Variants in SOS2 observed in about 807,000 individuals in gnomAD.
The protein encoded by SOS2 is son of sevenless homolog 2.
Under a neutral mutation model 148.2 loss-of-function variants are expected in SOS2, and 65 were observed. That is an observed-to-expected ratio of 0.44 (90% confidence interval 0.36 to 0.54). The LOEUF is 0.54. Ranked by LOEUF, SOS2 falls within the 20% of genes least tolerant of loss-of-function variation. The pLI is 0.00. For synonymous variants in SOS2, 539 were observed against 537.1 expected, an observed-to-expected ratio of 1.00 and a Z score of -0.05; for missense variants, 1,341 against 1,590.2, an observed-to-expected ratio of 0.84 and a Z score of 2.67.
At chr14:50,129,426 C>T (rs1883794714) in intron 21 of SOS2, among the ~76,000 whole-genome samples, 1 of 152,096 alleles carries the variant, frequency 6.6e-6, no homozygotes, top group Non-Finnish European at 1.5e-5. Flanking sequence ...ACTCCGTTGC[C>T]CAGGCTGGAG....
chr14:50,188,587 T>C lies in SOS2; in HGVS notation c.624A>G (p.Ala208=). 1 of 1,608,216 alleles carries C rather than the reference T, an allele frequency of 6.2e-7. No homozygotes were observed. The highest frequency in any genetic ancestry group is 8.5e-7 in the Non-Finnish European group (1 of 1,177,852). The part of the protein sequence containing the change: ...NYYDLVRTEI[A]EERQYLRELN... ...ATTCCCGTAGATACTGTCTTTCTTC[T>C]GCGATTTCAGTTCTGACAAGATCAT... The change falls in exon 5 of 23, where the codon GCA becomes GCG. Residue 208 remains alanine (A), a synonymous_variant. Coordinates refer to ENST00000216373, the MANE Select transcript of SOS2 (RefSeq NM_006939.4).
chr14:50,140,467 T>C (rs1050980000), intron 16 of SOS2, among the ~76,000 whole-genome samples: 5 of 152,248 alleles, frequency 3.3e-5, no homozygotes, highest in African/African-American at 1.2e-4. Flanking sequence ...CAAGAAGACT[T>C]GAACAAAAAT....
At chr14:50,183,665 T>A (rs900641613) in intron 5 of SOS2, among the ~76,000 whole-genome samples, 10 of 152,168 alleles carry the variant, frequency 6.6e-5, no homozygotes, top group African/African-American at 1.2e-4. Flanking sequence ...TTGATCAAGG[T>A]CTTACAGAGC....
Position 50,130,564 on chromosome 14 carries a change from G to A in SOS2, c.3274C>T (p.Pro1092Ser). The A allele has an allele frequency of 6.2e-7, 1 of 1,613,766 alleles. No homozygotes were observed. Among genetic ancestry groups the A allele is most frequent in the Non-Finnish European group, 8.5e-7 (1 of 1,179,662 alleles). The change falls in exon 20 of 23, where the codon CCA becomes TCA. Residue 1092 changes from proline (P) to serine (S), a missense_variant. Pro to Ser is a moderately conservative substitution (Grantham distance 74). Coordinates refer to ENST00000216373, the MANE Select transcript of SOS2 (RefSeq NM_006939.4). ...APTSPNTPST[P>S]PVSASSDLSV... ...AGGTCTGAAGAAGCAGATACTGGTG[G>A]AGTAGATGGTGTATTTGGAGAGGTT...
At chr14:50,191,198 C>T (rs1214645433) in intron 4 of SOS2, among the ~76,000 whole-genome samples, 1 of 152,084 alleles carries the variant, frequency 6.6e-6, no homozygotes, top group Admixed American at 6.6e-5. Context: ...GGCATGGTGG[C>T]TCATGCTTAC....
intron 5 of SOS2, among the ~76,000 whole-genome samples, chr14:50,185,043 G>C (rs1298486596): frequency 6.6e-6 from 1 of 152,056 alleles, no homozygotes; most frequent in East Asian, 1.9e-4. Flanking sequence ...CTCTTCATCT[G>C]TATCATTTTA....
At chr14:50,149,966 G>A (rs549228741) in intron 14 of SOS2, 42 bp downstream of exon 14, 1 of 1,353,544 alleles carries the variant, frequency 7.4e-7, no homozygotes, top group South Asian at 1.2e-5. Flanking sequence ...TAATGTTCAA[G>A]ATTCTTAAAA....
chr14:50,203,324 C>T (rs1195345164), intron 2 of SOS2, among the ~76,000 whole-genome samples: 1 of 152,050 alleles, frequency 6.6e-6, no homozygotes, highest in Non-Finnish European at 1.5e-5. Context: ...GCCAAGATCA[C>T]ACCACTGTAC....
At chr14:50,222,530 G>A (rs1253488085) in intron 1 of SOS2, among the ~76,000 whole-genome samples, 1 of 152,168 alleles carries the variant, frequency 6.6e-6, no homozygotes, top group African/African-American at 2.4e-5. Flanking sequence ...TAGATAGGCT[G>A]TAAGAGAAAA....
At chr14:50,128,172 G>A (rs1484113214) in intron 21 of SOS2, among the ~76,000 whole-genome samples, 2 of 152,064 alleles carry the variant, frequency 1.3e-5, no homozygotes, top group African/African-American at 4.8e-5. Context: ...GGGAGGCAAA[G>A]GGAATTTCTA....
At position 50,162,896 on chromosome 14, in the gene SOS2, G is replaced by GTTTT. The variant is rs1566832748; in HGVS notation, c.1069-1288_1069-1287insAAAA. 5.7e-5 allele frequency among the ~76,000 whole-genome samples: 8 copies of GTTTT among 139,850 alleles called. 1 individual carries two copies. Among genetic ancestry groups the GTTTT allele is most frequent in the Non-Finnish European group, 7.7e-5 (5 of 65,200 alleles). The allele number at this position is 139,850 out of a possible 152,430, so 91.7% of individuals were successfully genotyped here. On this transcript the variant is annotated intron_variant, in intron 8 of 22. Transcript: ENST00000216373. ...GTATTGTATTGTGCTCCAATGTTTT[G>GTTTT]ATTTTTTTTTTTTTTTTTGAGACAG...
At chr14:50,146,392 C>A (rs1293809196) in intron 14 of SOS2, among the ~76,000 whole-genome samples, 1 of 152,094 alleles carries the variant, frequency 6.6e-6, no homozygotes, top group East Asian at 1.9e-4. Flanking sequence ...GCCTGTAATC[C>A]CAGCACTTTG....
At chr14:50,148,950 C>A (rs1338742298) in intron 14 of SOS2, among the ~76,000 whole-genome samples, 1 of 152,098 alleles carries the variant, frequency 6.6e-6, no homozygotes, top group Non-Finnish European at 1.5e-5. Flanking sequence ...AGCTGGAGTG[C>A]AGTGGCACAA....
rs767006090 is a variant in SOS2, at chr14:50,161,614, G to C, written c.1069-5C>G. 3 of 1,604,948 alleles carry C rather than the reference G, an allele frequency of 1.9e-6. No homozygotes were observed. The highest frequency in any genetic ancestry group is 1.1e-5 in the South Asian group (1 of 89,116). On this transcript the variant is annotated splice_polypyrimidine_tract_variant and splice_region_variant and intron_variant, in intron 8 of 22. Coordinates refer to ENST00000216373, the MANE Select transcript of SOS2 (RefSeq NM_006939.4). The stretch of plus-strand genomic sequence containing the variant: ...TTCACTACATGCTTTCAATTGCTAA[G>C]AAAAAACAGAAAGAAAAATCAAAAC...
chr14:50,131,485 T>C (rs750510703), intron 19 of SOS2, among the ~76,000 whole-genome samples: 2 of 152,282 alleles, frequency 1.3e-5, no homozygotes, highest in South Asian at 2.1e-4. Flanking sequence ...ATGACTTTCA[T>C]TTTTTTCCAT....
At position 50,167,303 on chromosome 14, in the gene SOS2, T is replaced by TCA. The variant is rs968949968; in HGVS notation, c.1069-5696_1069-5695dup. On this transcript the variant is annotated intron_variant, in intron 8 of 22. Coordinates refer to ENST00000216373, the MANE Select transcript of SOS2 (RefSeq NM_006939.4). ...CAAGCTCTTTATGTTATGAATATAC[T>TCA]CACACACACACAAAAAGAATGACAA... is the stretch of plus-strand genomic sequence containing the variant. 1.1e-3 allele frequency among the ~76,000 whole-genome samples: 170 copies of TCA among 151,964 alleles called. 1 individual carries two copies. The highest frequency in any genetic ancestry group is 3.9e-3 in the African/African-American group (162 of 41,430).
chr14:50,152,824 G>A (rs1404978037), intron 13 of SOS2, among the ~76,000 whole-genome samples: 1 of 152,022 alleles, frequency 6.6e-6, no homozygotes, highest in African/African-American at 2.4e-5. Context: ...AATTAGCCAG[G>A]CGTGATGTCA....
chr14:50,213,712 AT>A (rs1886958182), intron 1 of SOS2, among the ~76,000 whole-genome samples: 1 of 151,868 alleles, frequency 6.6e-6, no homozygotes, highest in African/African-American at 2.4e-5. Flanking sequence ...ATTTACAGTC[AT>A]AATAATGTAA....
At chr14:50,194,030 C>A (rs1350510321) in intron 4 of SOS2, among the ~76,000 whole-genome samples, 1 of 152,142 alleles carries the variant, frequency 6.6e-6, no homozygotes, top group African/African-American at 2.4e-5. Flanking sequence ...CAGGTGTGAG[C>A]CACCACGCCC....
Sources: allele counts gnomAD v4.1 joint callset (sites outside exome capture counted in the v4.1 genomes callset), GRCh38; gene constraint gnomAD v4.1.1; transcripts MANE v1.5; gene names NCBI Gene and HGNC (gene_info 2026-07-23, HGNC 2026-07-21).